The following NFIB variants were observed in gnomAD, a reference collection of about 807,000 sequenced individuals.
NFIB encodes the protein nuclear factor I B.
In NFIB, 11 loss-of-function variants were observed where a neutral mutation model predicts 61.5. The observed-to-expected ratio is 0.18, with a 90% CI of 0.11 to 0.30. NFIB has a LOEUF of 0.30. Among genes scored for constraint, NFIB ranks in the 10% least tolerant of loss-of-function variants. The pLI is 1.00. For synonymous variants in NFIB, 260 were observed against 216.5 expected (o/e 1.20, Z -1.76); for missense variants, 471 against 608.9 (o/e 0.77, Z 2.38).
At chr9:14,312,700 A>C (rs1055058483) in intron 1 of NFIB, among the ~76,000 whole-genome samples, 1 of 152,170 alleles carries the variant, frequency 6.6e-6, no homozygotes, top group South Asian at 2.1e-4. Context: ...GACAATTCTC[A>C]AAGTCGAAAA....
chr9:14,351,634 C>A (rs1021966570), intron 1 of NFIB, among the ~76,000 whole-genome samples: 12 of 152,166 alleles, frequency 7.9e-5, no homozygotes, highest in Non-Finnish European at 4.4e-5. Flanking sequence ...ATCTCCAGCC[C>A]TTTCTGTCTA....
At chr9:14,140,893 C>T (rs982766072) in intron 6 of NFIB, among the ~76,000 whole-genome samples, 3 of 152,130 alleles carry the variant, frequency 2.0e-5, no homozygotes, top group Non-Finnish European at 2.9e-5. Flanking sequence ...CATGATCGTG[C>T]CGCTGCACTC....
chr9:14,114,213 C>T (rs1364944595), intron 9 of NFIB, among the ~76,000 whole-genome samples: 1 of 152,104 alleles, frequency 6.6e-6, no homozygotes, highest in Non-Finnish European at 1.5e-5. Context: ...AAGATGCTCA[C>T]AATTCATATT....
chr9:14,441,106 T>A, the NFIB span, among the ~76,000 whole-genome samples: 66 of 140,830 alleles, frequency 4.7e-4, no homozygotes, highest in African/African-American at 1.7e-3. Flanking sequence ...AGCTTTCCCT[T>A]AATTATCATC....
chr9:14,196,547 C>A (rs897200809), intron 2 of NFIB, among the ~76,000 whole-genome samples: 7 of 152,058 alleles, frequency 4.6e-5, no homozygotes, highest in Admixed American at 3.9e-4. Flanking sequence ...AATATACCAC[C>A]TTTAATCACA....
At chr9:14,317,265 C>G (rs1038533932), upstream of NFIB, 3 of 152,118 alleles carry the variant, frequency 2.0e-5, no homozygotes, top group East Asian at 5.8e-4. Flanking sequence ...AAAAGAAAAA[C>G]GAAAAATTGA....
In NFIB at chr9:14,325,521, A is replaced by T. The variant is rs544258944; in HGVS notation, c.109-18001T>A. On this transcript the variant is annotated intron_variant, in intron 1 of 8. Coordinates refer to the NFIB transcript ENST00000380934. ...TTTCTAAAAGGCTTGCATTATTACA[A>T]TGCTTTATATCATAATTGAAGTAAT... Among the ~76,000 whole-genome samples, 466 of 152,260 alleles carry T rather than the reference A, an allele frequency of 3.1e-3. 2 individuals carry two copies. Among genetic ancestry groups the T allele is most frequent in the Non-Finnish European group, 5.5e-3 (371 of 67,974 alleles).
At chr9:14,401,003 G>A (rs2061737720), upstream of NFIB, among the ~76,000 whole-genome samples, 1 of 152,184 alleles carries the variant, frequency 6.6e-6, no homozygotes, top group Non-Finnish European at 1.5e-5. Context: ...TCATAACCAG[G>A]AATGTTTTTC....
chr9:14,254,523 G>A (rs564081855), intron 2 of NFIB, among the ~76,000 whole-genome samples: 53 of 152,246 alleles, frequency 3.5e-4, no homozygotes, highest in Admixed American at 6.5e-4. Context: ...CTTCAGGGAT[G>A]TGCACTCAAT....
chr9:14,406,699 A>G, the NFIB span, among the ~76,000 whole-genome samples: 17 of 152,188 alleles, frequency 1.1e-4, no homozygotes, highest in African/African-American at 4.1e-4. Flanking sequence ...TGTAGACAGA[A>G]GTGACGGAGG....
intron 2 of NFIB, among the ~76,000 whole-genome samples, chr9:14,303,164 G>A (rs553286243): frequency 6.6e-6 from 1 of 152,250 alleles, no homozygotes; most frequent in Admixed American, 6.5e-5. Context: ...CTCTCAAAAT[G>A]TTACTATAAA....
chr9:14,151,536 C>T (rs1022601387), intron 4 of NFIB, among the ~76,000 whole-genome samples: 1 of 152,058 alleles, frequency 6.6e-6, no homozygotes, highest in Non-Finnish European at 1.5e-5. Context: ...ATGACATGAT[C>T]CAAAACTGCT....
At chr9:14,374,004 T>C (rs2061388847) in intron 1 of NFIB, among the ~76,000 whole-genome samples, 2 of 152,220 alleles carry the variant, frequency 1.3e-5, no homozygotes, top group African/African-American at 4.8e-5. Flanking sequence ...TATGCGTTAG[T>C]TGGAATACTG....
At chr9:14,450,131 T>G in the NFIB span, among the ~76,000 whole-genome samples, 2 of 151,926 alleles carry the variant, frequency 1.3e-5, no homozygotes, top group African/African-American at 4.8e-5. Context: ...CCCCCTACAC[T>G]CCGACAGGCC....
chr9:14,150,495 A>G (rs1031982538), intron 4 of NFIB, among the ~76,000 whole-genome samples: 3 of 152,056 alleles, frequency 2.0e-5, no homozygotes, highest in Non-Finnish European at 4.4e-5. Context: ...ACTGGTTACC[A>G]ATTTCCCGAA....
intron 2 of NFIB, among the ~76,000 whole-genome samples, chr9:14,205,451 G>T (rs1335510318): frequency 6.6e-6 from 1 of 151,578 alleles, no homozygotes; most frequent in African/African-American, 2.4e-5. Flanking sequence ...TATACACAAG[G>T]TATATATTGT....
At chr9:14,229,732 C>T (rs1263242988) in intron 2 of NFIB, among the ~76,000 whole-genome samples, 1 of 152,184 alleles carries the variant, frequency 6.6e-6, no homozygotes, top group Non-Finnish European at 1.5e-5. Context: ...GTGCAAGACC[C>T]TCACTGAGCC....
intron 4 of NFIB, among the ~76,000 whole-genome samples, chr9:14,151,266 TG>T (rs1389497481): frequency 1.3e-5 from 2 of 152,122 alleles, no homozygotes; most frequent in Non-Finnish European, 2.9e-5. Context: ...CCTGGTAGAC[TG>T]GAATGGTTAG....
At position 14,082,074 on chromosome 9, in the gene NFIB, A is replaced by G. The variant is rs1206775113; in HGVS notation, c.*6235T>C. On this transcript the variant is annotated 3_prime_UTR_variant, in exon 11 of 11. Transcript: ENST00000380953. ...AGAACGTTATCCTCCAACCGGGCACAATAAAACCTTCACTAACATTCTGGC... is the reference window on the plus strand; with the variant it reads ...AGAACGTTATCCTCCAACCGGGCACGATAAAACCTTCACTAACATTCTGGC... 2 of 211,686 alleles carry G rather than the reference A, an allele frequency of 9.4e-6. No individual in the cohort carries two copies. Among genetic ancestry groups the G allele is most frequent in the East Asian group, 7.0e-5 (1 of 14,264 alleles). The allele number at this position is 211,686 out of a possible 1,614,324, so 13.1% of individuals were successfully genotyped here. A position where few individuals can be genotyped will look rare whatever the true frequency, so the allele number is the denominator to read the frequency against.
Sources: allele counts gnomAD v4.1 joint callset (sites outside exome capture counted in the v4.1 genomes callset), GRCh38; gene constraint gnomAD v4.1.1; transcripts MANE v1.5; gene names NCBI Gene and HGNC (gene_info 2026-07-23, HGNC 2026-07-21).